The following AP2B1 variants were observed in gnomAD, a reference collection of about 807,000 sequenced individuals.
AP2B1 encodes the protein adaptor related protein complex 2 subunit beta 1, also known as AP-2 complex subunit beta.
AP2B1 carries 23 observed loss-of-function variants against 102.0 expected under a neutral mutation model. That is an observed-to-expected ratio of 0.23 (90% CI 0.16 to 0.32). The LOEUF (loss-of-function observed/expected upper bound fraction) is 0.32. Ranked by LOEUF, AP2B1 falls within the 10% of genes least tolerant of loss-of-function variation. The pLI is 1.00. For missense variants in AP2B1, 541 were observed against 1,157.4 expected (o/e 0.47, Z 7.73); for synonymous variants, 381 against 421.2 (o/e 0.90, Z 1.17).
intron 17 of AP2B1, among the ~76,000 whole-genome samples, chr17:35,674,857 T>C (rs980799300): frequency 3.9e-5 from 6 of 152,232 alleles, no homozygotes; most frequent in Non-Finnish European, 8.8e-5. Context: ...CCAGAACTTA[T>C]TTACTATCTT....
chr17:35,598,591 A>G (rs1489554323), intron 3 of AP2B1, among the ~76,000 whole-genome samples: 2 of 152,210 alleles, frequency 1.3e-5, no homozygotes, highest in African/African-American at 2.4e-5. Flanking sequence ...CAGATCTAGC[A>G]TAACACCTCC....
At chr17:35,674,950 A>G (rs920386240) in intron 17 of AP2B1, among the ~76,000 whole-genome samples, 1 of 152,246 alleles carries the variant, frequency 6.6e-6, no homozygotes, top group Non-Finnish European at 1.5e-5. Context: ...TAACATTAGC[A>G]TGAGCCAGAC....
chr17:35,648,758 G>GTGTGTGTGTA (rs913667429), intron 12 of AP2B1, among the ~76,000 whole-genome samples: 2 of 130,350 alleles, frequency 1.5e-5, no homozygotes, highest in Non-Finnish European at 3.5e-5. Flanking sequence ...GTGTGTGTGT[G>GTGTGTGTGTA]TGTGTGTGTG....
At chr17:35,658,501 A>G (rs996608067) in intron 14 of AP2B1, among the ~76,000 whole-genome samples, 9 of 152,176 alleles carry the variant, frequency 5.9e-5, no homozygotes, top group Non-Finnish European at 2.9e-5. Context: ...TACAAGATAA[A>G]TGAATTTTAA....
chr17:35,680,941 C>T (rs776478381), intron 17 of AP2B1, among the ~76,000 whole-genome samples: 20 of 152,052 alleles, frequency 1.3e-4, no homozygotes, highest in South Asian at 8.3e-4. Flanking sequence ...GTGATCCGCC[C>T]GCTGCAGCCT....
chr17:35,635,941 A>G (rs567216930), intron 9 of AP2B1, among the ~76,000 whole-genome samples: 1 of 150,872 alleles, frequency 6.6e-6, no homozygotes, highest in Non-Finnish European at 1.5e-5. Context: ...CACCTGCCTC[A>G]GCCTCCCAAA....
chr17:35,623,947 T>C (rs1390097699), intron 5 of AP2B1, among the ~76,000 whole-genome samples: 4 of 152,024 alleles, frequency 2.6e-5, no homozygotes, highest in Non-Finnish European at 4.4e-5. Flanking sequence ...CTAAGACTTG[T>C]AGTATGATTA....
intron 17 of AP2B1, among the ~76,000 whole-genome samples, chr17:35,682,070 C>T (rs1175026209): frequency 6.6e-6 from 1 of 152,066 alleles, no homozygotes; most frequent in Non-Finnish European, 1.5e-5. Flanking sequence ...GCCTGGCCAA[C>T]ACGGTGAAAC....
intron 20 of AP2B1, among the ~76,000 whole-genome samples, chr17:35,714,989 C>A (rs781815643): frequency 1.3e-5 from 2 of 152,200 alleles, no homozygotes; most frequent in Non-Finnish European, 2.9e-5. Context: ...CCCAGTCAGA[C>A]CAGGAAGCCT....
chr17:35,622,277 G>A (rs1345887312), intron 5 of AP2B1, among the ~76,000 whole-genome samples: 3 of 152,210 alleles, frequency 2.0e-5, no homozygotes, highest in Middle Eastern at 3.4e-3. Flanking sequence ...TTTCATCTTA[G>A]CATCTTTGTT....
intron 12 of AP2B1, among the ~76,000 whole-genome samples, chr17:35,643,635 G>A (rs2142758774): frequency 6.6e-6 from 1 of 152,258 alleles, no homozygotes; most frequent in Non-Finnish European, 1.5e-5. Flanking sequence ...ATTCACCTCT[G>A]AATCAAGCAT....
intron 14 of AP2B1, among the ~76,000 whole-genome samples, chr17:35,661,010 G>A (rs1444340890): frequency 1.3e-5 from 2 of 152,134 alleles, no homozygotes; most frequent in Admixed American, 6.5e-5. Context: ...CAGCGTTTAG[G>A]TTAGCTCAGT....
In AP2B1 at chr17:35,622,908, G is replaced by A. The variant is rs990355141; in HGVS notation, c.526-1489G>A. 5.3e-5 allele frequency among the ~76,000 whole-genome samples: 8 copies of A among 151,964 alleles called. No individual in the cohort carries two copies. In the East Asian group the frequency reaches 9.7e-4, roughly 18 times the overall value. On this transcript the variant is annotated intron_variant, in intron 5 of 21. Coordinates refer to ENST00000610402, the MANE Select transcript of AP2B1 (RefSeq NM_001030006.2). ...CTCGAACTCCTGACCTAAGTGATCCGCCCATCTCAGCCTCCCAAAGTGTTG... is the reference window on the plus strand; with the variant it reads ...CTCGAACTCCTGACCTAAGTGATCCACCCATCTCAGCCTCCCAAAGTGTTG...
intron 2 of AP2B1, among the ~76,000 whole-genome samples, chr17:35,595,741 T>G (rs1286119473): frequency 6.6e-6 from 1 of 152,138 alleles, no homozygotes; most frequent in East Asian, 1.9e-4. Context: ...CCTGCCCAAC[T>G]TTTTCCTCCT....
At chr17:35,702,505 G>C (rs1465783533) in intron 18 of AP2B1, among the ~76,000 whole-genome samples, 2 of 152,202 alleles carry the variant, frequency 1.3e-5, no homozygotes, top group Admixed American at 6.5e-5. Flanking sequence ...ACCTCAGAGA[G>C]GTTGGAGGAG....
At chr17:35,668,334 C>T (rs544876996) in intron 14 of AP2B1, among the ~76,000 whole-genome samples, 7 of 152,108 alleles carry the variant, frequency 4.6e-5, no homozygotes, top group South Asian at 4.1e-4. Flanking sequence ...GATTCTCTAA[C>T]GGCAGTGTTT....
At position 35,639,713 on chromosome 17, in the gene AP2B1, G is replaced by C; in HGVS notation, c.1390G>C (p.Glu464Gln). 1 of 1,614,172 alleles carries C rather than the reference G, an allele frequency of 6.2e-7. No homozygotes were observed. The highest frequency in any genetic ancestry group is 8.5e-7 in the Non-Finnish European group (1 of 1,180,010). The change falls in exon 11 of 22, where the codon GAG becomes CAG. Residue 464 changes from glutamate to glutamine, a missense_variant. Around this residue, in one of 10 missense-constraint regions of AP2B1, gnomAD observed 106 missense variants for 296.4 expected, o/e 0.36. Transcript: ENST00000610402. ...EYAERIDNADELLESFLEGFH... is the reference protein window; with the variant it reads ...EYAERIDNADQLLESFLEGFH... ...TGCTGAAAGAATTGACAATGCAGAT[G>C]AGTTACTAGAAAGCTTCCTGGAGGG...
At chr17:35,717,425 T>TTTC in intron 21 of AP2B1, 76 bp downstream of exon 21, 1 of 1,516,630 alleles carries the variant, frequency 6.6e-7, no homozygotes, top group Non-Finnish European at 9.0e-7. Context: ...CTTAGCACCC[T>TTTC]AGAAAGACCT....
intron 17 of AP2B1, among the ~76,000 whole-genome samples, chr17:35,676,095 T>G (rs936867295): frequency 6.6e-6 from 1 of 152,198 alleles, no homozygotes; most frequent in African/African-American, 2.4e-5. Context: ...TTAAGTCTTT[T>G]AGTGTGGAGT....
Sources: allele counts gnomAD v4.1 joint callset (sites outside exome capture counted in the v4.1 genomes callset), GRCh38; gene constraint gnomAD v4.1.1; regional missense constraint gnomAD v4.1.1; transcripts MANE v1.5; gene names NCBI Gene and HGNC (gene_info 2026-07-23, HGNC 2026-07-21).